Variants in ADCY10 observed in about 807,000 individuals in gnomAD.
ADCY10 encodes the protein adenylate cyclase 10, also known as adenylate cyclase type 10.
ADCY10 carries 156 observed loss-of-function variants against 183.3 expected under a neutral mutation model. The observed-to-expected ratio is 0.85, with a 90% CI of 0.75 to 0.97. The LOEUF (loss-of-function observed/expected upper bound fraction) is 0.97, where lower values mean the gene tolerates loss of function less well. ADCY10 is among the 50% of genes least tolerant of loss of function. The pLI, the probability that ADCY10 is intolerant of heterozygous loss-of-function variation, is 0.00. For synonymous variants in ADCY10, 645 were observed against 670.0 expected (o/e 0.96, Z 0.58); for missense variants, 1,745 against 1,934.3 (o/e 0.90, Z 1.84).
intron 23 of ADCY10, among the ~76,000 whole-genome samples, chr1:167,835,293 G>A (rs1027808099): frequency 2.6e-5 from 4 of 152,150 alleles, no homozygotes; most frequent in Non-Finnish European, 4.4e-5. Flanking sequence ...TTACCCTTCT[G>A]TGTCCTCTGA....
At chr1:167,847,256 T>C (rs1665111456) in intron 19 of ADCY10, among the ~76,000 whole-genome samples, 1 of 152,082 alleles carries the variant, frequency 6.6e-6, no homozygotes, top group South Asian at 2.1e-4. Flanking sequence ...GAAACATAAA[T>C]GGCACTCTTT....
intron 32 of ADCY10, 125 bp from the exon 33 acceptor site, chr1:167,809,964 C>T (rs551007491): frequency 2.8e-4 from 261 of 939,190 alleles, no homozygotes; most frequent in Non-Finnish European, 3.8e-4. Context: ...TAGACAAAAA[C>T]GAATCTTGCT....
chr1:167,881,670 T>C (rs889837027), intron 9 of ADCY10, among the ~76,000 whole-genome samples: 2 of 152,220 alleles, frequency 1.3e-5, no homozygotes, highest in African/African-American at 4.8e-5. Context: ...TCACACATAT[T>C]ACATTATTTA....
chr1:167,876,257 C>CA (rs71301004), intron 12 of ADCY10, among the ~76,000 whole-genome samples: 2,425 of 85,060 alleles, frequency 0.029, 39 homozygotes, highest in Admixed American at 0.038. Context: ...AGCTCCATCT[C>CA]AAAAAAAAAA....
At chr1:167,865,865 G>A (rs550623278) in intron 14 of ADCY10, among the ~76,000 whole-genome samples, 9 of 152,284 alleles carry the variant, frequency 5.9e-5, no homozygotes, top group South Asian at 2.1e-4. Flanking sequence ...TCCACCAGGC[G>A]TGGGCTGCAT....
At chr1:167,892,208 G>A (rs1668646934) in intron 8 of ADCY10, among the ~76,000 whole-genome samples, 1 of 152,164 alleles carries the variant, frequency 6.6e-6, no homozygotes, top group African/African-American at 2.4e-5. Context: ...CTGGGCTCAA[G>A]TGATCCACCT....
At position 167,902,027 on chromosome 1, in the gene ADCY10, A is replaced by G. The variant is rs1170505254; in HGVS notation, c.281T>C (p.Leu94Pro). The G allele has an allele frequency of 5.6e-6, 9 of 1,613,606 alleles. No individual in the cohort carries two copies. The highest frequency in any genetic ancestry group is 6.8e-6 in the Non-Finnish European group (8 of 1,179,920). The change falls in exon 4 of 33, where the codon CTG becomes CCG. Residue 94 changes from leucine to proline, a missense_variant. Physicochemically the swap from Leu to Pro is moderately conservative, Grantham distance 98. Coordinates refer to ENST00000367851, the MANE Select transcript of ADCY10 (RefSeq NM_018417.6). ...EKVLIFGGDILKFAGDALLAL... is the reference protein window; with the variant it reads ...EKVLIFGGDIPKFAGDALLAL... The stretch of plus-strand genomic sequence containing the variant: ...GTAAGCCCCCATACCTGCAAATTTC[A>G]GGATGTCTCCTCCAAAAATCAACAC...
At chr1:167,878,401 G>A (rs771286406) in intron 12 of ADCY10, 45 bp downstream of exon 12, 35 of 1,590,186 alleles carry the variant, frequency 2.2e-5, no homozygotes, top group Middle Eastern at 2.2e-4. Flanking sequence ...TAATTCTCCC[G>A]CTTCTTTACT....
chr1:167,913,553 T>C (rs1670282844), intron 1 of ADCY10, among the ~76,000 whole-genome samples: 2 of 152,360 alleles, frequency 1.3e-5, no homozygotes, highest in Non-Finnish European at 2.9e-5. Flanking sequence ...ATATCCTTGA[T>C]TATCTTTTGA....
intron 7 of ADCY10, 75 bp from the exon 8 acceptor site, chr1:167,894,016 A>C: frequency 2.0e-6 from 2 of 1,010,136 alleles, no homozygotes; most frequent in South Asian, 2.6e-5. Context: ...GGAGGCTCCC[A>C]GTCCCTATTC....
chr1:167,824,153 T>C (rs1663105602), intron 28 of ADCY10, among the ~76,000 whole-genome samples: 1 of 152,168 alleles, frequency 6.6e-6, no homozygotes, highest in Admixed American at 6.6e-5. Context: ...AAACCCCCTC[T>C]CTTCTAAAAA....
chr1:167,867,966 A>G (rs1462873617), intron 14 of ADCY10, among the ~76,000 whole-genome samples: 1 of 152,202 alleles, frequency 6.6e-6, no homozygotes, highest in Non-Finnish European at 1.5e-5. Context: ...ACCCCTTGAA[A>G]TTAGTAATTA....
At chr1:167,854,540 A>T in intron 17 of ADCY10, 51 bp from the exon 18 acceptor site, 1 of 1,595,892 alleles carries the variant, frequency 6.3e-7, no homozygotes, top group South Asian at 1.1e-5. Flanking sequence ...ATCTTTTAGG[A>T]AGGAAAAATA....
chr1:167,853,089 C>T (rs186313529), intron 18 of ADCY10, among the ~76,000 whole-genome samples: 29 of 152,170 alleles, frequency 1.9e-4, no homozygotes, highest in East Asian at 5.8e-4. Flanking sequence ...TTTATTGCAC[C>T]GTATTCACCT....
chr1:167,858,937 G>A (rs1228433014), intron 16 of ADCY10, among the ~76,000 whole-genome samples: 2 of 152,184 alleles, frequency 1.3e-5, no homozygotes, highest in Non-Finnish European at 1.5e-5. Flanking sequence ...AATAGGAAGG[G>A]AGGACAAGGA....
rs1043848001 is a variant in ADCY10 at position 167,833,860 on chromosome 1, CTG to C, written c.3417+108_3417+109del. 4 of 858,640 alleles carry C rather than the reference CTG, an allele frequency of 4.7e-6. No individual in the cohort carries two copies. The African/African-American group carries it at 5.0e-5, about 11-fold the overall frequency. 53.2% of individuals were successfully genotyped at this position (858,640 alleles called of 1,614,324 possible). ...AGTTTCTAGAGTCTTGGCTAGAAGT[CTG>C]TGGCAAGAGATGGGAGGAGGGTGTA... On this transcript the variant is annotated intron_variant, in intron 24 of 32. Coordinates refer to ENST00000367851, the MANE Select transcript of ADCY10 (RefSeq NM_018417.6).
intron 1 of ADCY10, among the ~76,000 whole-genome samples, chr1:167,912,704 C>G (rs1000209918): frequency 2.0e-5 from 3 of 152,232 alleles, no homozygotes; most frequent in African/African-American, 7.2e-5. Context: ...ATTAAACTCT[C>G]CGATCCTTAA....
intron 25 of ADCY10, 97 bp from the exon 26 acceptor site, chr1:167,829,520 G>T: frequency 6.9e-7 from 1 of 1,440,420 alleles, no homozygotes; most frequent in Non-Finnish European, 9.7e-7. Context: ...TATGGGCCTG[G>T]GAATCAAAAC....
chr1:167,859,667 G>A (rs963736107), intron 16 of ADCY10, 140 bp downstream of exon 16: 4 of 763,970 alleles, frequency 5.2e-6, no homozygotes, highest in Non-Finnish European at 9.5e-6. Flanking sequence ...GGATGGAGGA[G>A]AATGAAGCAC....
Sources: gnomAD v4.1 joint callset for allele counts (sites outside exome capture counted in the v4.1 genomes callset) on GRCh38, gnomAD v4.1.1 for gene constraint, MANE v1.5 for transcripts, NCBI Gene and HGNC (gene_info 2026-07-23, HGNC 2026-07-21) for gene names.